Variants in COL23A1 observed in about 807,000 individuals in gnomAD.
COL23A1 encodes the protein collagen alpha-1(XXIII) chain.
A neutral mutation model predicts 99.3 loss-of-function variants in COL23A1; 97 were observed. The observed-to-expected ratio is 0.98, with a 90% CI of 0.83 to 1.16. COL23A1 has a LOEUF of 1.16. Among genes scored for constraint, COL23A1 ranks in the 50% most tolerant of loss-of-function variants. The pLI is 0.00. For missense variants in COL23A1, 762 were observed against 757.4 expected, an observed-to-expected ratio of 1.01 and a Z score of -0.07; for synonymous variants, 320 against 308.2, an observed-to-expected ratio of 1.04 and a Z score of -0.40.
At chr5:178,501,371 T>C (rs1163124843) in intron 2 of COL23A1, among the ~76,000 whole-genome samples, 2 of 151,952 alleles carry the variant, frequency 1.3e-5, no homozygotes, top group Non-Finnish European at 2.9e-5. Flanking sequence ...TCACCTGAGG[T>C]CAGGAGTTCG....
At chr5:178,523,201 T>TAGAGAGAGAGAGAGAGAG (rs70997609) in intron 2 of COL23A1, among the ~76,000 whole-genome samples, 2 of 77,632 alleles carry the variant, frequency 2.6e-5, no homozygotes, top group Non-Finnish European at 5.0e-5. Context: ...TATATATATA[T>TAGAGAGAGAGAGAGAGAG]AGAGAGAGAG....
chr5:178,511,706 C>CA (rs1234048872), intron 2 of COL23A1, among the ~76,000 whole-genome samples: 1 of 152,174 alleles, frequency 6.6e-6, no homozygotes, highest in Non-Finnish European at 1.5e-5. Context: ...CCAGTCCTCC[C>CA]ACCAAACTGC....
At chr5:178,487,849 A>G (rs1757719145) in intron 2 of COL23A1, among the ~76,000 whole-genome samples, 1 of 152,352 alleles carries the variant, frequency 6.6e-6, no homozygotes, top group East Asian at 1.9e-4. Context: ...GACAAGAGCC[A>G]CATTTGAAAC....
chr5:178,585,951 G>T (rs879595995), intron 1 of COL23A1, among the ~76,000 whole-genome samples: 1 of 152,202 alleles, frequency 6.6e-6, no homozygotes, highest in African/African-American at 2.4e-5. Context: ...GCCGAAAGGT[G>T]GGAAAGTTTT....
At chr5:178,411,416 TAAAC>T (rs891084723) in intron 2 of COL23A1, among the ~76,000 whole-genome samples, 5 of 151,834 alleles carry the variant, frequency 3.3e-5, no homozygotes, top group African/African-American at 1.2e-4. Flanking sequence ...GATGAATAGG[TAAAC>T]AAACTGTGAT....
In COL23A1 at chr5:178,265,714, G is replaced by A. The variant is rs547155085; in HGVS notation, c.522+1593C>T. On this transcript the variant is annotated intron_variant, in intron 8 of 28. Transcript: ENST00000390654. ...CTACTTATAAAGCCCGGATTGAGCC[G>A]TGGGAAAACCATCTAGTCAGCAGAT... 1.4e-4 allele frequency: 142 copies of A among 985,804 alleles called. No homozygotes were observed. In the African/African-American group the frequency reaches 1.9e-3, roughly 13 times the overall value. 61.1% of individuals were successfully genotyped at this position (985,804 alleles called of 1,614,324 possible).
chr5:178,396,863 C>T (rs1175412517), intron 2 of COL23A1, among the ~76,000 whole-genome samples: 8 of 152,090 alleles, frequency 5.3e-5, no homozygotes, highest in Admixed American at 1.3e-4. Context: ...GGCGGGCAGG[C>T]GCTCTGGGCT....
chr5:178,268,065 T>C (rs781467743), intron 7 of COL23A1, among the ~76,000 whole-genome samples: 1 of 152,220 alleles, frequency 6.6e-6, no homozygotes, highest in African/African-American at 2.4e-5. Flanking sequence ...GCGGGAACCC[T>C]GCCTGCCTGG....
intron 2 of COL23A1, among the ~76,000 whole-genome samples, chr5:178,522,372 G>T (rs1201367311): frequency 6.6e-6 from 1 of 152,124 alleles, no homozygotes; most frequent in Non-Finnish European, 1.5e-5. Context: ...TTTAGCCCAC[G>T]TGAGTCCCAG....
rs1758813831 is a variant in COL23A1, at chr5:178,313,478, C to T, written c.362-6559G>A. ...ACTGTGGGGATGCTGCTGGCAGCCA[C>T]AGCAGTGTCCCGTGTGAGGAGCCCG... On this transcript the variant is annotated intron_variant, in intron 2 of 28. Transcript: ENST00000390654. This position sits in a 1 kb window ranked among gnomAD's most constrained non-coding sequence, Gnocchi z 4.2. Among the ~76,000 whole-genome samples, 1 of 152,230 alleles carries T rather than the reference C, an allele frequency of 6.6e-6. No homozygotes were observed. Among genetic ancestry groups the T allele is most frequent in the Non-Finnish European group, 1.5e-5 (1 of 68,040 alleles).
chr5:178,548,839 T>G (rs1761854101), intron 2 of COL23A1, among the ~76,000 whole-genome samples: 1 of 152,186 alleles, frequency 6.6e-6, no homozygotes, highest in Admixed American at 6.5e-5. Flanking sequence ...CAAGGCTTTT[T>G]AATAGCAAAA....
intron 2 of COL23A1, among the ~76,000 whole-genome samples, chr5:178,519,952 A>G (rs1410379741): frequency 6.6e-6 from 1 of 151,720 alleles, no homozygotes; most frequent in African/African-American, 2.4e-5. Context: ...AGGATGATGG[A>G]TAGATGGACA....
chr5:178,420,928 A>T (rs1415328927), intron 2 of COL23A1, among the ~76,000 whole-genome samples: 1 of 151,776 alleles, frequency 6.6e-6, no homozygotes, highest in Non-Finnish European at 1.5e-5. Flanking sequence ...CCCTCATGGA[A>T]GCAGAAATAA....
At chr5:178,242,930 C>T (rs1400248446) in intron 25 of COL23A1, among the ~76,000 whole-genome samples, 2 of 152,170 alleles carry the variant, frequency 1.3e-5, no homozygotes, top group African/African-American at 4.8e-5. Flanking sequence ...GGCATGGTGG[C>T]TCATGCCTGT....
intron 2 of COL23A1, among the ~76,000 whole-genome samples, chr5:178,427,882 C>T (rs1766037920): frequency 6.6e-6 from 1 of 152,158 alleles, no homozygotes; most frequent in Admixed American, 6.5e-5. Flanking sequence ...ATGGTGGATA[C>T]ATGTCATTGT....
At chr5:178,274,263 G>A (rs926028907) in intron 5 of COL23A1, among the ~76,000 whole-genome samples, 1 of 152,240 alleles carries the variant, frequency 6.6e-6, no homozygotes, top group African/African-American at 2.4e-5. Context: ...TGAGGCGTGA[G>A]GCTGTGCAGA....
chr5:178,310,968 G>A lies in COL23A1; in HGVS notation c.362-4049C>T, dbSNP rs1248436574. 6.6e-6 allele frequency among the ~76,000 whole-genome samples: 1 copy of A among 152,178 alleles called. No individual in the cohort carries two copies. Among genetic ancestry groups the A allele is most frequent in the Non-Finnish European group, 1.5e-5 (1 of 68,038 alleles). On this transcript the variant is annotated intron_variant, in intron 2 of 28. Transcript: ENST00000390654. This position sits in a 1 kb window ranked among gnomAD's most constrained non-coding sequence, Gnocchi z 4.3. ...ATGTGGAGAAGGGGAAACTGAGGCTGCAAGGGATAGGACAGGTCTTGCCCA... is the reference window on the plus strand; with the variant it reads ...ATGTGGAGAAGGGGAAACTGAGGCTACAAGGGATAGGACAGGTCTTGCCCA...
At chr5:178,566,105 C>G (rs968323456) in intron 1 of COL23A1, among the ~76,000 whole-genome samples, 1 of 151,988 alleles carries the variant, frequency 6.6e-6, no homozygotes, top group Non-Finnish European at 1.5e-5. Flanking sequence ...CCAGCCTGGG[C>G]AACAAGAGCA....
chr5:178,547,575 CTACA>C (rs1761681805), intron 2 of COL23A1, among the ~76,000 whole-genome samples: 1 of 68,206 alleles, frequency 1.5e-5, no homozygotes, highest in African/African-American at 6.1e-5. Context: ...CCACACACAC[CTACA>C]CCCACACCCC....
Sources: allele counts gnomAD v4.1 joint callset (sites outside exome capture counted in the v4.1 genomes callset), GRCh38; gene constraint gnomAD v4.1.1; non-coding constraint Gnocchi (gnomAD v3.1); transcripts MANE v1.5; gene names NCBI Gene and HGNC (gene_info 2026-07-23, HGNC 2026-07-21).